The following CSMD3 variants were observed in gnomAD, a reference collection of about 807,000 sequenced individuals.
The protein encoded by CSMD3 is CUB and Sushi multiple domains 3.
Under a neutral mutation model 435.2 loss-of-function variants are expected in CSMD3, and 177 were observed. The observed-to-expected ratio is 0.41, with a 90% CI of 0.36 to 0.46. The LOEUF (loss-of-function observed/expected upper bound fraction) is 0.46, where lower values mean the gene tolerates loss of function less well. CSMD3 is among the 20% of genes least tolerant of loss of function. The pLI, the probability that CSMD3 is intolerant of heterozygous loss-of-function variation, is 0.34. For missense variants in CSMD3, 4,265 were observed against 4,504.6 expected, an observed-to-expected ratio of 0.95 and a Z score of 1.52; for synonymous variants, 1,656 against 1,520.5, an observed-to-expected ratio of 1.09 and a Z score of -2.07.
chr8:113,178,537 A>G (rs1408789085), intron 3 of CSMD3, among the ~76,000 whole-genome samples: 1 of 151,900 alleles, frequency 6.6e-6, no homozygotes, highest in South Asian at 2.1e-4. Flanking sequence ...GTATTGCGAC[A>G]TGTGGCAGAA....
At chr8:113,395,297 A>T (rs1286982542) in intron 1 of CSMD3, among the ~76,000 whole-genome samples, 2 of 152,080 alleles carry the variant, frequency 1.3e-5, no homozygotes, top group Admixed American at 1.3e-4. Context: ...TGACTGCCTA[A>T]TCTCAAAATT....
intron 1 of CSMD3, among the ~76,000 whole-genome samples, chr8:113,404,252 A>T (rs2094522641): frequency 1.3e-5 from 2 of 151,566 alleles, no homozygotes; most frequent in South Asian, 4.1e-4. Flanking sequence ...GCATAATATG[A>T]TATAAAATAA....
intron 31 of CSMD3, among the ~76,000 whole-genome samples, chr8:112,473,684 G>T (rs1818745869): frequency 8.9e-6 from 1 of 112,152 alleles, no homozygotes; most frequent in Non-Finnish European, 1.8e-5. Flanking sequence ...TAAGAGTGGA[G>T]TTTTTCTGCC....
chr8:112,371,288 T>C (rs1312977404), intron 38 of CSMD3, among the ~76,000 whole-genome samples: 1 of 152,200 alleles, frequency 6.6e-6, no homozygotes, highest in Non-Finnish European at 1.5e-5. Flanking sequence ...GCAGAGATCA[T>C]TGATTTCCTT....
At chr8:112,242,906 G>A (rs576447509) in intron 65 of CSMD3, among the ~76,000 whole-genome samples, 1 of 152,144 alleles carries the variant, frequency 6.6e-6, no homozygotes, top group South Asian at 2.1e-4. Context: ...AAGTGAATAC[G>A]AGATGAAAAC....
chr8:112,250,062 A>C (rs965782065), intron 63 of CSMD3, among the ~76,000 whole-genome samples: 2 of 152,096 alleles, frequency 1.3e-5, no homozygotes, highest in African/African-American at 4.8e-5. Flanking sequence ...AGTTCTTAAA[A>C]TGCAGTGATA....
intron 1 of CSMD3, among the ~76,000 whole-genome samples, chr8:113,410,733 C>A (rs1443230446): frequency 1.1e-5 from 1 of 90,600 alleles, no homozygotes; most frequent in Non-Finnish European, 2.0e-5. Context: ...GAGACCTCAT[C>A]TGTACTGGAA....
chr8:113,203,545 C>T (rs2092736725), intron 3 of CSMD3, among the ~76,000 whole-genome samples: 1 of 151,736 alleles, frequency 6.6e-6, no homozygotes, highest in Non-Finnish European at 1.5e-5. Context: ...GTGTGTGAGT[C>T]ACTGCACCTG....
At chr8:113,112,430 T>C (rs1588095108) in intron 4 of CSMD3, among the ~76,000 whole-genome samples, 2 of 14,996 alleles carry the variant, frequency 1.3e-4, no homozygotes, top group East Asian at 4.2e-3. Flanking sequence ...TATATATATA[T>C]ATATATATAT....
At chr8:112,409,393 C>G (rs959028903) in intron 32 of CSMD3, among the ~76,000 whole-genome samples, 1 of 151,932 alleles carries the variant, frequency 6.6e-6, no homozygotes, top group Non-Finnish European at 1.5e-5. Context: ...CTTTGTGACT[C>G]TCTTCTCTTT....
At chr8:112,557,255 T>C (rs1828206912) in intron 24 of CSMD3, among the ~76,000 whole-genome samples, 1 of 151,950 alleles carries the variant, frequency 6.6e-6, no homozygotes, top group Non-Finnish European at 1.5e-5. Flanking sequence ...TAGTAGATTC[T>C]GAGTGATACC....
intron 27 of CSMD3, among the ~76,000 whole-genome samples, chr8:112,528,791 T>C (rs1825236153): frequency 6.6e-6 from 1 of 152,008 alleles, no homozygotes; most frequent in African/African-American, 2.4e-5. Flanking sequence ...TGACATATAA[T>C]CAGGAAGCGA....
intron 13 of CSMD3, among the ~76,000 whole-genome samples, chr8:112,767,887 T>C (rs999373675): frequency 1.3e-5 from 2 of 151,822 alleles, no homozygotes; most frequent in South Asian, 4.1e-4. Context: ...GCAAGCCTTT[T>C]ATATCTCTGA....
chr8:113,065,860 C>T (rs189220348), intron 5 of CSMD3, among the ~76,000 whole-genome samples: 26 of 152,110 alleles, frequency 1.7e-4, no homozygotes, highest in African/African-American at 5.5e-4. Flanking sequence ...GTAGAATGTA[C>T]ATGATATATT....
intron 13 of CSMD3, among the ~76,000 whole-genome samples, chr8:112,718,761 A>T (rs535201292): frequency 6.6e-6 from 1 of 152,142 alleles, no homozygotes; most frequent in Admixed American, 6.6e-5. Flanking sequence ...TATTAAAATA[A>T]CCTATTTATA....
chr8:112,882,591 G>A (rs965125072), intron 10 of CSMD3, among the ~76,000 whole-genome samples: 17 of 151,960 alleles, frequency 1.1e-4, no homozygotes, highest in Admixed American at 2.0e-4. Flanking sequence ...TTTGGAAAGC[G>A]TGTGAACCAC....
intron 3 of CSMD3, among the ~76,000 whole-genome samples, chr8:113,181,594 C>A (rs1216375713): frequency 1.3e-5 from 2 of 151,934 alleles, no homozygotes; most frequent in Admixed American, 1.3e-4. Flanking sequence ...TTTACAAAAA[C>A]GATATTATAT....
chr8:112,728,845 T>C (rs557523495), intron 13 of CSMD3, among the ~76,000 whole-genome samples: 15 of 152,088 alleles, frequency 9.9e-5, no homozygotes, highest in Non-Finnish European at 1.9e-4. Flanking sequence ...CACCATACAA[T>C]ATCTATATGT....
At chr8:112,698,424 T>TC (rs1331697570) in intron 13 of CSMD3, among the ~76,000 whole-genome samples, 2 of 151,374 alleles carry the variant, frequency 1.3e-5, no homozygotes, top group African/African-American at 4.9e-5. Flanking sequence ...CTAAAAGCAA[T>TC]AAAGCTCTAT....
Sources: gnomAD v4.1 joint callset for allele counts (sites outside exome capture counted in the v4.1 genomes callset) on GRCh38, gnomAD v4.1.1 for gene constraint, MANE v1.5 for transcripts, NCBI Gene and HGNC (gene_info 2026-07-23, HGNC 2026-07-21) for gene names.